Variants in DOP1A observed in about 807,000 individuals in gnomAD.
DOP1A encodes DOP1 leucine zipper like protein A.
Under a neutral mutation model 267.6 loss-of-function variants are expected in DOP1A, and 90 were observed. That is an observed-to-expected ratio of 0.34 (90% CI 0.28 to 0.40). The LOEUF (loss-of-function observed/expected upper bound fraction) is 0.40, where lower values mean the gene tolerates loss of function less well. Among genes scored for constraint, DOP1A ranks in the 10% least tolerant of loss-of-function variants. DOP1A has a pLI of 1.00. For synonymous variants in DOP1A, 932 were observed against 999.1 expected (o/e 0.93, Z 1.27); for missense variants, 2,437 against 2,900.4 (o/e 0.84, Z 3.67).
intron 4 of DOP1A, among the ~76,000 whole-genome samples, chr6:83,105,356 C>CTT (rs70987733): frequency 0.048 from 3,172 of 65,974 alleles, 687 homozygotes; most frequent in Non-Finnish European, 0.064. Flanking sequence ...GGATGTCTTT[C>CTT]TTTTTTTTTT....
chr6:83,160,360 G>T (rs1783944178), intron 37 of DOP1A, among the ~76,000 whole-genome samples: 1 of 152,242 alleles, frequency 6.6e-6, no homozygotes, highest in South Asian at 2.1e-4. Flanking sequence ...ACAGCTGGGA[G>T]AGTGAAGATA....
intron 27 of DOP1A, among the ~76,000 whole-genome samples, chr6:83,150,902 TATC>T (rs1781541376): frequency 6.6e-6 from 1 of 152,186 alleles, no homozygotes; most frequent in South Asian, 2.1e-4. Context: ...CATACCACTA[TATC>T]ATTACAAACC....
rs755935544 is a variant in DOP1A, at chr6:83,124,756, A to G, written c.1392A>G (p.Ser464=). The change falls in exon 13 of 39, where the codon TCA becomes TCG. Residue 464 remains serine, a synonymous_variant. Coordinates refer to ENST00000349129, the MANE Select transcript of DOP1A (RefSeq NM_015018.4). ...LQIGPGDSND[S]SELQLTNFCL... Reference sequence around the variant, plus strand: ...TTGGACCTGGAGATAGTAATGACTCATCTGAATTACAGCTGACCAATTTCT... The same window carrying G: ...TTGGACCTGGAGATAGTAATGACTCGTCTGAATTACAGCTGACCAATTTCT... 1 of 1,613,334 alleles carries G rather than the reference A, an allele frequency of 6.2e-7. No homozygotes were observed. Among genetic ancestry groups the G allele is most frequent in the Non-Finnish European group, 8.5e-7 (1 of 1,179,594 alleles).
intron 4 of DOP1A, among the ~76,000 whole-genome samples, chr6:83,107,828 T>C (rs2128166450): frequency 6.6e-6 from 1 of 152,194 alleles, no homozygotes; most frequent in Non-Finnish European, 1.5e-5. Context: ...AAAAAGAGCA[T>C]AGAAAGTTCC....
Position 83,130,367 on chromosome 6 carries a change from G to A in DOP1A, c.2586G>A (p.Arg862=), listed in dbSNP as rs1183167745. Residue 862 remains arginine, a synonymous_variant, in exon 17 of 39, where the codon AGG becomes AGA. Transcript: ENST00000349129. ...IRPPLTQGNL[R]YIAEKTEFFK... ...CTCCCCTCACTCAGGGCAATCTGAGGTACATAGCTGAGAAGACTGAATTTT... is the reference window on the plus strand; with the variant it reads ...CTCCCCTCACTCAGGGCAATCTGAGATACATAGCTGAGAAGACTGAATTTT... The A allele has an allele frequency of 6.2e-7, 1 of 1,613,728 alleles. No individual in the cohort carries two copies.
At chr6:83,096,871 T>G (rs1489009364) in intron 2 of DOP1A, 48 bp downstream of exon 2, 2 of 1,326,936 alleles carry the variant, frequency 1.5e-6, no homozygotes, top group Admixed American at 2.2e-5. Context: ...TAAGATCATA[T>G]GAACCCGTTT....
intron 16 of DOP1A, among the ~76,000 whole-genome samples, chr6:83,129,910 T>C (rs1293909157): frequency 6.6e-6 from 1 of 152,226 alleles, no homozygotes; most frequent in Non-Finnish European, 1.5e-5. Context: ...AACTAGATTG[T>C]ATGACTTGGC....
downstream of DOP1A, chr6:83,168,613 C>G: frequency 1.0e-6 from 1 of 997,506 alleles, no homozygotes. Context: ...TCCCACATAC[C>G]TTCACCAAGA....
intron 1 of DOP1A, among the ~76,000 whole-genome samples, chr6:83,081,368 A>T (rs1273693703): frequency 2.0e-5 from 3 of 152,102 alleles, no homozygotes; most frequent in African/African-American, 7.2e-5. Flanking sequence ...CAACCTCCCA[A>T]AGTGCTGGGT....
intron 1 of DOP1A, among the ~76,000 whole-genome samples, chr6:83,092,556 T>TCCCCCCCCCCCCCC (rs66482434): frequency 1.5e-5 from 1 of 67,852 alleles, no homozygotes; most frequent in Non-Finnish European, 2.9e-5. Context: ...GTAGTGTCCC[T>TCCCCCCCCCCCCCC]CCCCCCCCCC....
intron 1 of DOP1A, among the ~76,000 whole-genome samples, chr6:83,088,513 CTG>C (rs1769738187): frequency 6.7e-6 from 1 of 148,404 alleles, no homozygotes; most frequent in Admixed American, 6.8e-5. Context: ...ACCTCCAACT[CTG>C]AGGTTCAAGC....
rs578012281 is a variant in DOP1A at position 83,135,665 on chromosome 6, A to G, written c.2917A>G (p.Thr973Ala). 1.5e-5 allele frequency: 25 copies of G among 1,613,660 alleles called. No homozygotes were observed. The highest frequency in any genetic ancestry group is 5.5e-5 in the South Asian group (5 of 91,072). Residue 973 changes from threonine to alanine, a missense_variant, in exon 20 of 39, where the codon ACT (threonine) becomes GCT (alanine). Transcript: ENST00000349129. The stretch of plus-strand genomic sequence containing the variant: ...TAGCCTTAACAGTCTCGATGGTTCT[A>G]CTAGCTCTGTGGGACAAGCCTGGCT... ...LDSLNSLDGS[T>A]SSVGQAWLNQ... is the part of the protein sequence containing the mutation.
At chr6:83,154,390 T>C (rs1782313561) in intron 33 of DOP1A, 149 bp downstream of exon 33, 1 of 651,662 alleles carries the variant, frequency 1.5e-6, no homozygotes, top group African/African-American at 1.8e-5. Context: ...GAAAGCACAC[T>C]ACTTTCTGTA....
At chr6:83,157,993 T>C (rs1490670902) in intron 35 of DOP1A, among the ~76,000 whole-genome samples, 2 of 152,004 alleles carry the variant, frequency 1.3e-5, no homozygotes, top group African/African-American at 4.8e-5. Flanking sequence ...CTTTCTTTTA[T>C]TTTTCCTTTT....
intron 31 of DOP1A, 134 bp downstream of exon 31, chr6:83,153,754 TCATA>T: frequency 8.6e-7 from 1 of 1,169,432 alleles, no homozygotes; most frequent in Non-Finnish European, 1.2e-6. Context: ...TTAAAAAAAT[TCATA>T]TATTATTTTT....
intron 28 of DOP1A, 110 bp downstream of exon 28, chr6:83,151,769 T>C: frequency 6.9e-7 from 1 of 1,439,558 alleles, no homozygotes; most frequent in Middle Eastern, 1.8e-4. Flanking sequence ...GAACATTCTA[T>C]GGGAATCAAC....
chr6:83,134,636 G>C (rs1778601078), intron 19 of DOP1A, among the ~76,000 whole-genome samples: 2 of 152,050 alleles, frequency 1.3e-5, no homozygotes, highest in African/African-American at 4.8e-5. Context: ...TGTTTCTCAA[G>C]CAATTATTTT....
intron 34 of DOP1A, among the ~76,000 whole-genome samples, chr6:83,156,765 T>C (rs1782888029): frequency 6.6e-6 from 1 of 152,212 alleles, no homozygotes; most frequent in South Asian, 2.1e-4. Context: ...AGACAAATGA[T>C]TCCTTGTTTC....
chr6:83,083,564 A>G (rs1480025281), intron 1 of DOP1A, among the ~76,000 whole-genome samples: 1 of 152,316 alleles, frequency 6.6e-6, no homozygotes, highest in South Asian at 2.1e-4. Context: ...ATTCATGTGT[A>G]TATCTACCTC....
Sources: gnomAD v4.1 joint callset for allele counts (sites outside exome capture counted in the v4.1 genomes callset) on GRCh38, gnomAD v4.1.1 for gene constraint, MANE v1.5 for transcripts, NCBI Gene and HGNC (gene_info 2026-07-23, HGNC 2026-07-21) for gene names.